Variants in SPHKAP observed in about 807,000 individuals in gnomAD.
The protein encoded by SPHKAP is SPHK1 interactor, AKAP domain containing, also known as A-kinase anchor protein SPHKAP.
SPHKAP carries 67 observed loss-of-function variants against 137.5 expected under a neutral mutation model. The observed-to-expected ratio is 0.49, with a 90% CI of 0.40 to 0.60. SPHKAP has a LOEUF of 0.60. SPHKAP is among the 20% of genes least tolerant of loss of function. The probability of loss-of-function intolerance (pLI) is 0.00; values close to 1 mark genes in which losing one functional copy is unlikely to be tolerated. For synonymous variants in SPHKAP, 813 were observed against 785.3 expected (o/e 1.04, Z -0.59); for missense variants, 2,097 against 2,069.3 (o/e 1.01, Z -0.26).
intron 1 of SPHKAP, among the ~76,000 whole-genome samples, chr2:228,178,948 CAT>C (rs1301509643): frequency 6.7e-6 from 1 of 148,490 alleles, no homozygotes; most frequent in East Asian, 2.0e-4. Context: ...AAAAAAAAAA[CAT>C]GTTTTACAGT....
chr2:228,158,921 A>G (rs1441337721), intron 1 of SPHKAP, among the ~76,000 whole-genome samples: 2 of 152,128 alleles, frequency 1.3e-5, no homozygotes, highest in African/African-American at 4.8e-5. Flanking sequence ...AATACTTCCA[A>G]TTTTGCTCTC....
intron 9 of SPHKAP, chr2:227,991,712 T>G: frequency 1.0e-6 from 1 of 977,362 alleles, no homozygotes; most frequent in Non-Finnish European, 1.2e-6. Context: ...CATTTTACTT[T>G]CATCTTAATG....
intron 3 of SPHKAP, among the ~76,000 whole-genome samples, chr2:228,099,102 T>A (rs1287990216): frequency 6.6e-6 from 1 of 152,240 alleles, no homozygotes; most frequent in Non-Finnish European, 1.5e-5. Context: ...AAAAATTCTT[T>A]GTCAAGGATG....
intron 2 of SPHKAP, among the ~76,000 whole-genome samples, chr2:228,122,830 G>A (rs1016335974): frequency 6.6e-6 from 1 of 152,196 alleles, no homozygotes; most frequent in East Asian, 1.9e-4. Context: ...CGCCTCCAGA[G>A]GGAATGTGGT....
chr2:228,128,754 T>C (rs1047097637), intron 2 of SPHKAP, among the ~76,000 whole-genome samples: 11 of 152,220 alleles, frequency 7.2e-5, no homozygotes, highest in African/African-American at 2.4e-4. Context: ...TTAATTTCCA[T>C]GTATATCTCC....
intron 1 of SPHKAP, among the ~76,000 whole-genome samples, chr2:228,178,292 C>T (rs1011994564): frequency 1.3e-5 from 2 of 152,118 alleles, no homozygotes; most frequent in African/African-American, 2.4e-5. Flanking sequence ...ACAATTATTT[C>T]CTTTATTTAA....
intron 4 of SPHKAP, chr2:228,025,867 C>T (rs1209799106): frequency 2.0e-6 from 2 of 984,764 alleles, no homozygotes; most frequent in East Asian, 1.1e-4. Flanking sequence ...TTGCATAAAA[C>T]ATTTTTTGTT....
chr2:228,048,470 T>C (rs1358721034), intron 3 of SPHKAP, among the ~76,000 whole-genome samples: 1 of 152,196 alleles, frequency 6.6e-6, no homozygotes, highest in African/African-American at 2.4e-5. Flanking sequence ...TTCTCTTCTC[T>C]TTATCATGTA....
intron 3 of SPHKAP, chr2:228,028,113 A>AT (rs1695130453): frequency 7.6e-6 from 7 of 924,042 alleles, no homozygotes; most frequent in African/African-American, 1.8e-5. Flanking sequence ...GTCTGCTTGT[A>AT]TTAGAGCCAA....
At chr2:228,100,545 A>G (rs531498347) in intron 3 of SPHKAP, among the ~76,000 whole-genome samples, 11 of 152,178 alleles carry the variant, frequency 7.2e-5, no homozygotes, top group African/African-American at 2.2e-4. Flanking sequence ...GAGGGTTTTT[A>G]TCAGGATGGG....
chr2:228,094,391 C>T (rs1297327536), intron 3 of SPHKAP, among the ~76,000 whole-genome samples: 1 of 152,166 alleles, frequency 6.6e-6, no homozygotes, highest in Middle Eastern at 3.2e-3. Flanking sequence ...TCAGGTTTAT[C>T]ATAGCTCTTG....
intron 1 of SPHKAP, among the ~76,000 whole-genome samples, chr2:228,147,997 C>T (rs530306314): frequency 3.3e-5 from 5 of 152,316 alleles, no homozygotes; most frequent in South Asian, 2.1e-4. Flanking sequence ...CGAACCTAGA[C>T]GAAACTGACT....
chr2:228,005,051 C>T (rs1351872250), intron 7 of SPHKAP, among the ~76,000 whole-genome samples: 1 of 152,172 alleles, frequency 6.6e-6, no homozygotes, highest in Non-Finnish European at 1.5e-5. Flanking sequence ...GTGGAGAGTT[C>T]TCTAGATGTC....
intron 2 of SPHKAP, among the ~76,000 whole-genome samples, chr2:228,109,956 CAAAA>C (rs11440513): frequency 1.8e-5 from 1 of 56,278 alleles, no homozygotes; most frequent in African/African-American, 7.3e-5. Context: ...GAAAATGTCT[CAAAA>C]AAAAAAAAAA....
intron 7 of SPHKAP, 74 bp from the exon 8 acceptor site, chr2:227,995,768 T>C (rs945163969): frequency 2.7e-5 from 38 of 1,424,180 alleles, no homozygotes; most frequent in African/African-American, 1.2e-4. Flanking sequence ...CAGAGCCACT[T>C]TGTAGAGTCC....
intron 3 of SPHKAP, among the ~76,000 whole-genome samples, chr2:228,055,159 A>AAAAAAAAAAAAAAAT (rs1696394892): frequency 6.8e-6 from 1 of 148,124 alleles, no homozygotes; most frequent in Non-Finnish European, 1.5e-5. Flanking sequence ...AAAAAAAAAA[A>AAAAAAAAAAAAAAAT]GTGGTTTGAA....
In SPHKAP at chr2:228,032,533, C is replaced by T. The variant is rs147865297; in HGVS notation, c.247-4990G>A. The stretch of plus-strand genomic sequence containing the variant: ...TCAGATCCAGGAAATACAGAGAACG[C>T]CACAAAGATACTCCTCGAGAAGAGC... On this transcript the variant is annotated intron_variant, in intron 3 of 11. Coordinates refer to ENST00000392056, the MANE Select transcript of SPHKAP (RefSeq NM_001142644.2). Among the ~76,000 whole-genome samples the T allele has an allele frequency of 7.6e-4, 115 of 152,172 alleles. 1 individual carries two copies. Among genetic ancestry groups the T allele is most frequent in the Middle Eastern group, 3.4e-3 (1 of 294 alleles).
At chr2:228,091,949 C>T (rs1697751076) in intron 3 of SPHKAP, among the ~76,000 whole-genome samples, 1 of 151,852 alleles carries the variant, frequency 6.6e-6, no homozygotes, top group South Asian at 2.1e-4. Flanking sequence ...AGTCACCATA[C>T]AAAAATGATA....
chr2:228,113,745 G>C (rs1698604595), intron 2 of SPHKAP, among the ~76,000 whole-genome samples: 1 of 151,070 alleles, frequency 6.6e-6, no homozygotes, highest in Admixed American at 6.6e-5. Context: ...CTTTGCCTTT[G>C]GTAAACAATT....
Sources: allele counts gnomAD v4.1 joint callset (sites outside exome capture counted in the v4.1 genomes callset), GRCh38; gene constraint gnomAD v4.1.1; transcripts MANE v1.5; gene names NCBI Gene and HGNC (gene_info 2026-07-23, HGNC 2026-07-21).